Variants in TRABD2B observed in about 807,000 individuals in gnomAD.
The protein encoded by TRABD2B is metalloprotease TIKI2.
TRABD2B carries 14 observed loss-of-function variants against 40.1 expected under a neutral mutation model. The ratio of observed to expected loss-of-function variants is 0.35; its 90% CI spans 0.23 to 0.55. The LOEUF is 0.55. Among genes scored for constraint, TRABD2B ranks in the 20% least tolerant of loss-of-function variants. The pLI is 0.90. For missense variants in TRABD2B, 541 were observed against 648.6 expected (o/e 0.83, Z 1.80); for synonymous variants, 263 against 277.0 (o/e 0.95, Z 0.50).
At chr1:47,889,129 T>G (rs1212684142) in intron 2 of TRABD2B, among the ~76,000 whole-genome samples, 3 of 152,156 alleles carry the variant, frequency 2.0e-5, no homozygotes. Flanking sequence ...CACAGCCCAG[T>G]GCACAGAAAG....
rs189507491 is a variant in TRABD2B at position 47,808,634 on chromosome 1, C to T, written c.667-7015G>A. Among the ~76,000 whole-genome samples, 257 of 152,328 alleles carry T rather than the reference C, an allele frequency of 1.7e-3. 1 individual carries two copies. Among genetic ancestry groups the T allele is most frequent in the Middle Eastern group, 6.8e-3 (2 of 294 alleles). On this transcript the variant is annotated intron_variant, in intron 2 of 6. Transcript: ENST00000606738. ...TAGGAAACCATCTCACACCATAATT[C>T]TTTCAGATAAGGACTATTTCCATAT...
At chr1:47,934,173 TAG>T (rs955216481) in intron 2 of TRABD2B, among the ~76,000 whole-genome samples, 1 of 152,224 alleles carries the variant, frequency 6.6e-6, no homozygotes, top group African/African-American at 2.4e-5. Flanking sequence ...AGTTGAACCT[TAG>T]AGAGAGAGTC....
intron 2 of TRABD2B, among the ~76,000 whole-genome samples, chr1:47,858,499 T>A (rs1231393807): frequency 6.6e-6 from 1 of 152,194 alleles, no homozygotes; most frequent in African/African-American, 2.4e-5. Context: ...CCTCAAGTGA[T>A]CCTCACCCCT....
intron 4 of TRABD2B, among the ~76,000 whole-genome samples, chr1:47,789,159 T>A (rs943638435): frequency 7.9e-5 from 12 of 152,208 alleles, no homozygotes; most frequent in African/African-American, 2.9e-4. Flanking sequence ...TGCCCTGTCC[T>A]GGAGTAGTTC....
In TRABD2B at chr1:47,996,275, G is replaced by C. The variant is rs1646089971; in HGVS notation, c.102+413C>G. 6.6e-6 allele frequency among the ~76,000 whole-genome samples: 1 copy of C among 152,112 alleles called. No individual in the cohort carries two copies. The highest frequency in any genetic ancestry group is 1.5e-5 in the Non-Finnish European group (1 of 68,008). ...CTGGGAGGGGGCAGAGTGTGTGAATGGGAGAGCAAAAGGGTTCGATGGAAG... is the reference window on the plus strand; with the variant it reads ...CTGGGAGGGGGCAGAGTGTGTGAATCGGAGAGCAAAAGGGTTCGATGGAAG... On this transcript the variant is annotated intron_variant, in intron 1 of 6. Transcript: ENST00000606738. This position sits in a 1 kb window ranked among gnomAD's most constrained non-coding sequence, Gnocchi z 4.6.
At chr1:47,861,289 T>G (rs115498366) in intron 2 of TRABD2B, among the ~76,000 whole-genome samples, 13,983 of 147,554 alleles carry the variant, frequency 0.095, 828 homozygotes, top group East Asian at 0.14. Flanking sequence ...GTGGTGGGGG[T>G]GGCGGGGGTA....
chr1:47,924,544 C>T (rs1570298286), intron 2 of TRABD2B, among the ~76,000 whole-genome samples: 1 of 152,282 alleles, frequency 6.6e-6, no homozygotes, highest in East Asian at 1.9e-4. Flanking sequence ...AACAGATGCA[C>T]CCAGCCCTTT....
chr1:47,930,331 T>G (rs1645023443), intron 2 of TRABD2B, among the ~76,000 whole-genome samples: 1 of 152,212 alleles, frequency 6.6e-6, no homozygotes, highest in African/African-American at 2.4e-5. Context: ...GTGCACAGCC[T>G]CTTCCTGAGG....
chr1:47,992,055 G>A (rs1646019815), intron 2 of TRABD2B, among the ~76,000 whole-genome samples: 1 of 152,172 alleles, frequency 6.6e-6, no homozygotes, highest in Non-Finnish European at 1.5e-5. Flanking sequence ...TCTGGCAGGT[G>A]GTGAAGGGTA....
At chr1:47,877,649 A>C (rs1012464949) in intron 2 of TRABD2B, among the ~76,000 whole-genome samples, 3 of 152,212 alleles carry the variant, frequency 2.0e-5, no homozygotes, top group Admixed American at 2.0e-4. Context: ...TGAAAAAATT[A>C]CCTGAAGGGA....
chr1:47,874,252 ATTTTT>A (rs61411862), intron 2 of TRABD2B, among the ~76,000 whole-genome samples: 28 of 90,526 alleles, frequency 3.1e-4, no homozygotes, highest in Non-Finnish European at 3.0e-4. Flanking sequence ...TGATTAATTA[ATTTTT>A]TTTTTTTTTT....
Position 47,867,030 on chromosome 1 carries a change from G to A in TRABD2B, c.667-65411C>T, listed in dbSNP as rs564559155. Reference sequence around the variant, plus strand: ...AGCTATACAAACTTCACAGCCACCCGCCTGTCTCCTGCAAGGAAGTGAAAT... The same window carrying A: ...AGCTATACAAACTTCACAGCCACCCACCTGTCTCCTGCAAGGAAGTGAAAT... On this transcript the variant is annotated intron_variant, in intron 2 of 6. Coordinates refer to ENST00000606738, the MANE Select transcript of TRABD2B (RefSeq NM_001194986.2). Among the ~76,000 whole-genome samples, 48 of 152,206 alleles carry A rather than the reference G, an allele frequency of 3.2e-4. No individual in the cohort carries two copies. In the South Asian group the frequency reaches 1.0e-2, roughly 32 times the overall value.
chr1:47,975,458 T>C (rs180723794), intron 2 of TRABD2B, among the ~76,000 whole-genome samples: 2 of 152,302 alleles, frequency 1.3e-5, no homozygotes, highest in Admixed American at 1.3e-4. Context: ...ACTGTCTGGG[T>C]CATACCATTT....
chr1:47,987,980 G>T (rs1376552759), intron 2 of TRABD2B, among the ~76,000 whole-genome samples: 1 of 152,188 alleles, frequency 6.6e-6, no homozygotes, highest in African/African-American at 2.4e-5. Context: ...TGGGAGAAAA[G>T]GCTTCGGCAC....
chr1:47,897,406 C>T lies in TRABD2B; in HGVS notation c.667-95787G>A, dbSNP rs142476412. Among the ~76,000 whole-genome samples, 326 of 152,134 alleles carry T rather than the reference C, an allele frequency of 2.1e-3. 2 individuals carry two copies. The highest frequency in any genetic ancestry group is 7.4e-3 in the African/African-American group (309 of 41,508). ...ATAGAAGGAGTAACCTGCGGAATGG[C>T]CCTGATGGATGAGGAGGAGTTCACC... On this transcript the variant is annotated intron_variant, in intron 2 of 6. Coordinates refer to ENST00000606738, the MANE Select transcript of TRABD2B (RefSeq NM_001194986.2).
chr1:47,860,413 T>C (rs1256405293), intron 2 of TRABD2B, among the ~76,000 whole-genome samples: 1 of 152,160 alleles, frequency 6.6e-6, no homozygotes, highest in Non-Finnish European at 1.5e-5. Flanking sequence ...TCTCTTTGTC[T>C]CTTAATGAGT....
chr1:47,817,429 T>C (rs11578314), intron 2 of TRABD2B, among the ~76,000 whole-genome samples: 3,614 of 151,910 alleles, frequency 0.024, 113 homozygotes, highest in Admixed American at 0.094. Flanking sequence ...CTGTGGAACC[T>C]CCCTTTTCAA....
intron 2 of TRABD2B, among the ~76,000 whole-genome samples, chr1:47,823,105 T>G (rs1645132151): frequency 6.6e-6 from 1 of 152,224 alleles, no homozygotes; most frequent in Non-Finnish European, 1.5e-5. Flanking sequence ...TCCATCTGTG[T>G]GATAGGGTCT....
chr1:47,799,236 C>T (rs1158224161), intron 3 of TRABD2B, among the ~76,000 whole-genome samples: 1 of 152,198 alleles, frequency 6.6e-6, no homozygotes, highest in Non-Finnish European at 1.5e-5. Flanking sequence ...ACATCATGGC[C>T]AGACCATCCT....
Sources: allele counts gnomAD v4.1 joint callset (sites outside exome capture counted in the v4.1 genomes callset), GRCh38; gene constraint gnomAD v4.1.1; non-coding constraint Gnocchi (gnomAD v3.1); transcripts MANE v1.5; gene names NCBI Gene and HGNC (gene_info 2026-07-23, HGNC 2026-07-21).